The following CCDC57 variants were observed in gnomAD, a reference collection of about 807,000 sequenced individuals.
CCDC57 encodes the protein coiled-coil domain containing 57.
Under a neutral mutation model 118.9 loss-of-function variants are expected in CCDC57, and 118 were observed. The ratio of observed to expected loss-of-function variants is 0.99; its 90% CI spans 0.86 to 1.16. The LOEUF is 1.16. CCDC57 is among the 50% of genes most tolerant of loss of function. The pLI, the probability that CCDC57 is intolerant of heterozygous loss-of-function variation, is 0.00. For synonymous variants in CCDC57, 527 were observed against 532.9 expected (o/e 0.99, Z 0.15); for missense variants, 1,300 against 1,320.7 (o/e 0.98, Z 0.24).
At chr17:82,178,705 C>T in intron 10 of CCDC57, 100 bp from the exon 10 acceptor site, 2 of 1,490,092 alleles carry the variant, frequency 1.3e-6, no homozygotes, top group South Asian at 2.6e-5. Flanking sequence ...ATGCTCAGAG[C>T]ACCAGGCTCC....
rs570218334 is a variant in CCDC57, at chr17:82,171,842, C to T, written c.1741G>A (p.Ala581Thr). 166 of 1,613,008 alleles carry T rather than the reference C, an allele frequency of 1.0e-4. 1 individual carries two copies. The East Asian group carries it at 3.3e-3, about 32-fold the overall frequency. ...AGAGTTCGTATTTCTGCTTCAAGGG[C>T]CAGAACATAATCTGCCAAAAAAACC... Residue 581 changes from alanine (A) to threonine (T), a missense_variant, in exon 13 of 20, where the codon GCC becomes ACC. Physicochemically the swap from Ala to Thr is moderately conservative, Grantham distance 58. Coordinates refer to ENST00000665763, the Ensembl canonical transcript of CCDC57.
At chr17:82,130,796 G>A (rs533534442) in intron 17 of CCDC57, among the ~76,000 whole-genome samples, 1 of 144,214 alleles carries the variant, frequency 6.9e-6, no homozygotes, top group African/African-American at 2.5e-5. Context: ...GAGCCACCAC[G>A]CCCAGCTCCT....
chr17:82,181,908 A>G (rs1191363327), intron 9 of CCDC57, among the ~76,000 whole-genome samples: 4 of 152,212 alleles, frequency 2.6e-5, no homozygotes, highest in African/African-American at 7.2e-5. Context: ...ACCTGAAGTC[A>G]GGAGTTCAAG....
chr17:82,187,236 C>CAAAAAAA (rs61100137), intron 8 of CCDC57, among the ~76,000 whole-genome samples: 4 of 63,002 alleles, frequency 6.3e-5, no homozygotes, highest in Non-Finnish European at 9.0e-5. Flanking sequence ...GACTCCATCT[C>CAAAAAAA]AAAAAAAAAA....
chr17:82,153,730 G>T (rs1276947930), intron 15 of CCDC57: 1 of 152,208 alleles, frequency 6.6e-6, no homozygotes, highest in Non-Finnish European at 1.5e-5. Flanking sequence ...TGCTCCAAGG[G>T]CTGCCCACCC....
At chr17:82,152,053 C>A in intron 15 of CCDC57, 1 of 469,366 alleles carries the variant, frequency 2.1e-6, no homozygotes, top group Non-Finnish European at 3.8e-6. Flanking sequence ...CTCCTCCCCG[C>A]CATCCCTGCC....
At chr17:82,183,120 T>TG (rs966220398) in intron 9 of CCDC57, among the ~76,000 whole-genome samples, 16 of 151,914 alleles carry the variant, frequency 1.1e-4, no homozygotes, top group South Asian at 2.1e-4. Flanking sequence ...AGATTAGATT[T>TG]GGGGGGGGAC....
At chr17:82,119,550 G>A (rs1036852699) in intron 19 of CCDC57, among the ~76,000 whole-genome samples, 2 of 152,142 alleles carry the variant, frequency 1.3e-5, no homozygotes, top group African/African-American at 4.8e-5. Context: ...CATGGCCTGG[G>A]GCTGGTGCAG....
intron 19 of CCDC57, among the ~76,000 whole-genome samples, chr17:82,124,924 A>G (rs938665559): frequency 1.3e-5 from 2 of 152,230 alleles, no homozygotes; most frequent in African/African-American, 4.8e-5. Flanking sequence ...CATTGAGTTG[A>G]TGAAAATTTG....
Position 82,212,110 on chromosome 17 carries a change from G to A in CCDC57, c.-211+675C>T, listed in dbSNP as rs1285609521. On this transcript the variant is annotated intron_variant, in intron 1 of 19. Coordinates refer to ENST00000665763, the Ensembl canonical transcript of CCDC57. This position sits in a 1 kb window ranked among gnomAD's most constrained non-coding sequence, Gnocchi z 4.1. ...AGCTCTAGCAGTCTGTCAGTCGCTG[G>A]CAATACAGGACTCCTGAGTAGTCTC... 6.6e-6 allele frequency among the ~76,000 whole-genome samples: 1 copy of A among 152,150 alleles called. No homozygotes were observed. Among genetic ancestry groups the A allele is most frequent in the Non-Finnish European group, 1.5e-5 (1 of 68,030 alleles).
At chr17:82,128,891 A>G in intron 17 of CCDC57, among the ~76,000 whole-genome samples, 1 of 151,274 alleles carries the variant, frequency 6.6e-6, no homozygotes, top group Non-Finnish European at 1.5e-5. Context: ...AGTGGCCCCC[A>G]GTGACACCAC....
At chr17:82,159,109 C>T (rs2043014671) in intron 14 of CCDC57, among the ~76,000 whole-genome samples, 1 of 152,062 alleles carries the variant, frequency 6.6e-6, no homozygotes, top group African/African-American at 2.4e-5. Flanking sequence ...TCAAATAATC[C>T]TCCCACCTCA....
At chr17:82,186,541 CAACA>C (rs887136807) in intron 8 of CCDC57, among the ~76,000 whole-genome samples, 14 of 152,202 alleles carry the variant, frequency 9.2e-5, no homozygotes, top group African/African-American at 3.1e-4. Flanking sequence ...ACTGATCAAA[CAACA>C]ACACAGCATG....
At chr17:82,188,527 A>G in intron 7 of CCDC57, 108 bp from the exon 7 acceptor site, 1 of 1,159,392 alleles carries the variant, frequency 8.6e-7, no homozygotes, top group Non-Finnish European at 1.2e-6. Context: ...GTGCTGCTGT[A>G]TGTCTGCCTC....
chr17:82,111,794 AC>A (rs981383837), intron 19 of CCDC57, among the ~76,000 whole-genome samples: 1 of 151,748 alleles, frequency 6.6e-6, no homozygotes, highest in Non-Finnish European at 1.5e-5. Context: ...TTCAGTAGAG[AC>A]GGGGTTTTAC....
At chr17:82,101,597 A>C (rs755270994) in exon 20 of CCDC57, 2 of 1,186,076 alleles carry the variant, frequency 1.7e-6, no homozygotes, top group Non-Finnish European at 2.4e-6. Context: ...CTGTGCCCAC[A>C]CCCCCCCACA....
intron 19 of CCDC57, among the ~76,000 whole-genome samples, chr17:82,123,020 T>C (rs1216145264): frequency 6.6e-6 from 1 of 152,084 alleles, no homozygotes; most frequent in African/African-American, 2.4e-5. Context: ...ACCAGTGACC[T>C]TCACCTTGCA....
At chr17:82,173,812 G>A (rs1280418773) in intron 11 of CCDC57, among the ~76,000 whole-genome samples, 1 of 132,178 alleles carries the variant, frequency 7.6e-6, no homozygotes, top group African/African-American at 2.8e-5. Flanking sequence ...AGGACAACGA[G>A]GTGAGGTGGC....
chr17:82,206,632 A>G (rs1216036201), intron 2 of CCDC57, among the ~76,000 whole-genome samples: 1 of 152,064 alleles, frequency 6.6e-6, no homozygotes, highest in Non-Finnish European at 1.5e-5. Context: ...TATCCTCTGT[A>G]ATACCCTTTA....
Sources: allele counts gnomAD v4.1 joint callset (sites outside exome capture counted in the v4.1 genomes callset), GRCh38; gene constraint gnomAD v4.1.1; non-coding constraint Gnocchi (gnomAD v3.1); transcripts MANE v1.5; gene names NCBI Gene and HGNC (gene_info 2026-07-23, HGNC 2026-07-21).